ATP1B3: variants seen among roughly 807,000 people sequenced by gnomAD.
ATP1B3 encodes sodium/potassium-transporting ATPase subunit beta-3.
ATP1B3 carries 10 observed loss-of-function variants against 30.2 expected under a neutral mutation model. The ratio of observed to expected loss-of-function variants is 0.33; its 90% CI spans 0.20 to 0.56. The LOEUF is 0.56. Ranked by LOEUF, ATP1B3 falls within the 20% of genes least tolerant of loss-of-function variation. The pLI is 0.90. For missense variants in ATP1B3, 238 were observed against 336.7 expected (o/e 0.71, Z 2.29); for synonymous variants, 113 against 117.0 (o/e 0.97, Z 0.22).
At chr3:141,923,179 G>T (rs1214495428) in intron 6 of ATP1B3, among the ~76,000 whole-genome samples, 2 of 151,834 alleles carry the variant, frequency 1.3e-5, no homozygotes, top group Admixed American at 6.6e-5. Context: ...TCGGGAGACT[G>T]AGGCAGGAGA....
chr3:141,908,751 C>G (rs1330619815), intron 3 of ATP1B3, among the ~76,000 whole-genome samples: 1 of 152,320 alleles, frequency 6.6e-6, no homozygotes, highest in South Asian at 2.1e-4. Flanking sequence ...TCACTCAAGC[C>G]TCTAACCCCT....
chr3:141,880,896 G>T (rs1445894440), intron 1 of ATP1B3, among the ~76,000 whole-genome samples: 1 of 152,098 alleles, frequency 6.6e-6, no homozygotes, highest in Non-Finnish European at 1.5e-5. Context: ...AGACTCCAAG[G>T]CCAGAGATTT....
intron 6 of ATP1B3, 72 bp from the exon 7 acceptor site, chr3:141,925,459 G>A: frequency 6.7e-7 from 1 of 1,494,944 alleles, no homozygotes; most frequent in Non-Finnish European, 9.0e-7. Flanking sequence ...TACAGAATAA[G>A]CCAATTCCTG....
At chr3:141,894,836 A>G (rs1043271190) in intron 1 of ATP1B3, among the ~76,000 whole-genome samples, 8 of 152,234 alleles carry the variant, frequency 5.3e-5, no homozygotes, top group Non-Finnish European at 1.0e-4. Flanking sequence ...AACAAAAAGT[A>G]TAGCATAGTA....
chr3:141,897,705 G>GT, intron 1 of ATP1B3, among the ~76,000 whole-genome samples: 1 of 151,994 alleles, frequency 6.6e-6, no homozygotes, highest in Non-Finnish European at 1.5e-5. Flanking sequence ...TCGGGTTTTT[G>GT]TTTTTGTTTT....
chr3:141,912,589 C>T (rs1319415155), intron 3 of ATP1B3, among the ~76,000 whole-genome samples: 1 of 152,090 alleles, frequency 6.6e-6, no homozygotes, highest in African/African-American at 2.4e-5. Context: ...AATTCAATAC[C>T]TTTTTCTGGT....
intron 1 of ATP1B3, among the ~76,000 whole-genome samples, chr3:141,883,379 A>G (rs1933769668): frequency 6.6e-6 from 1 of 152,008 alleles, no homozygotes; most frequent in Non-Finnish European, 1.5e-5. Context: ...TTGCAATCAG[A>G]CTTTGATAAT....
At chr3:141,897,089 GCTA>G (rs1423125104) in intron 1 of ATP1B3, among the ~76,000 whole-genome samples, 1 of 152,134 alleles carries the variant, frequency 6.6e-6, no homozygotes, top group Non-Finnish European at 1.5e-5. Flanking sequence ...AGATGCTGCT[GCTA>G]CTGTTGCTAG....
At chr3:141,894,049 A>G (rs918583917) in intron 1 of ATP1B3, among the ~76,000 whole-genome samples, 4 of 152,246 alleles carry the variant, frequency 2.6e-5, no homozygotes, top group African/African-American at 7.2e-5. Context: ...TTGTAACACA[A>G]TGGTAAGTAT....
At chr3:141,887,216 G>A (rs1288532031) in intron 1 of ATP1B3, among the ~76,000 whole-genome samples, 1 of 152,190 alleles carries the variant, frequency 6.6e-6, no homozygotes, top group African/African-American at 2.4e-5. Flanking sequence ...GGCATGGCTA[G>A]CATTTTATTT....
chr3:141,885,512 A>G (rs1933811763), intron 1 of ATP1B3, among the ~76,000 whole-genome samples: 1 of 151,968 alleles, frequency 6.6e-6, no homozygotes. Flanking sequence ...GCAATGGCAC[A>G]ATCTTGGCTC....
At chr3:141,877,504 G>A (rs569933050) in intron 1 of ATP1B3, 2 of 152,390 alleles carry the variant, frequency 1.3e-5, no homozygotes, top group East Asian at 3.9e-4. Flanking sequence ...GTTAATCACA[G>A]AAGTACATTG....
chr3:141,917,584 T>G (rs1934488811), intron 5 of ATP1B3, among the ~76,000 whole-genome samples: 1 of 151,582 alleles, frequency 6.6e-6, no homozygotes, highest in Non-Finnish European at 1.5e-5. Context: ...GTCCCAGCTA[T>G]TCAGGAGACG....
At position 141,924,905 on chromosome 3, in the gene ATP1B3, A is replaced by T. The variant is rs1934628608; in HGVS notation, c.670-626A>T. On this transcript the variant is annotated intron_variant, in intron 6 of 6. Coordinates refer to ENST00000286371, the MANE Select transcript of ATP1B3 (RefSeq NM_001679.4). ...GAGTCAGAGGTTGCAGTGAGCCGGG[A>T]TCGTGCCACTGCACTCCAGCCTGGG... is the stretch of plus-strand genomic sequence containing the variant. 3.9e-5 allele frequency among the ~76,000 whole-genome samples: 6 copies of T among 152,272 alleles called. No individual in the cohort carries two copies. In the South Asian group the frequency reaches 1.0e-3, roughly 26 times the overall value.
intron 1 of ATP1B3, among the ~76,000 whole-genome samples, chr3:141,879,713 A>G: frequency 7.0e-6 from 1 of 143,530 alleles, no homozygotes; most frequent in Non-Finnish European, 1.5e-5. Flanking sequence ...CAGGAGGTGG[A>G]GGTTGCAGTG....
chr3:141,916,724 A>T, intron 5 of ATP1B3: 2 of 533,800 alleles, frequency 3.7e-6, no homozygotes, highest in Non-Finnish European at 5.9e-6. Flanking sequence ...TTTTACTGTT[A>T]ATGGACTTCT....
At chr3:141,889,991 GTATC>G (rs1425428197) in intron 1 of ATP1B3, among the ~76,000 whole-genome samples, 9 of 148,890 alleles carry the variant, frequency 6.0e-5, no homozygotes, top group East Asian at 2.0e-4. Context: ...TAGGATGCTG[GTATC>G]TATCTGGTTG....
At position 141,876,772 on chromosome 3, in the gene ATP1B3, G is replaced by T. The variant is rs757735850; in HGVS notation, c.-30G>T. On this transcript the variant is annotated 5_prime_UTR_variant, in exon 1 of 7. Transcript: ENST00000286371. ...CCTCGCCGCCTCCATCCCCGCGGCC[G>T]CAGCTCCTCTCGCCGTCCGCGCGCA... 2.8e-5 allele frequency: 44 copies of T among 1,567,348 alleles called. No individual in the cohort carries two copies. The highest frequency in any genetic ancestry group is 2.8e-5 in the Non-Finnish European group (32 of 1,149,752).
At chr3:141,922,091 G>C (rs750986209) in intron 6 of ATP1B3, 28 bp downstream of exon 6, 1 of 1,365,358 alleles carries the variant, frequency 7.3e-7, no homozygotes, top group Non-Finnish European at 1.0e-6. Flanking sequence ...CTTATGTGGT[G>C]ATTACTCTTT....
Sources: allele counts gnomAD v4.1 joint callset (sites outside exome capture counted in the v4.1 genomes callset), GRCh38; gene constraint gnomAD v4.1.1; transcripts MANE v1.5; gene names NCBI Gene and HGNC (gene_info 2026-07-23, HGNC 2026-07-21).